USP49: variants seen among roughly 807,000 people sequenced by gnomAD.
USP49 encodes ubiquitin carboxyl-terminal hydrolase 49.
In USP49, 24 loss-of-function variants were observed where a neutral mutation model predicts 58.6. The ratio of observed to expected loss-of-function variants is 0.41; its 90% CI spans 0.30 to 0.58. The LOEUF is 0.58. USP49 is among the 20% of genes least tolerant of loss of function. USP49 has a pLI of 0.30. For missense variants in USP49, 703 were observed against 866.1 expected, an observed-to-expected ratio of 0.81 and a Z score of 2.36; for synonymous variants, 408 against 365.1, an observed-to-expected ratio of 1.12 and a Z score of -1.34.
intron 2 of USP49, among the ~76,000 whole-genome samples, chr6:41,884,557 G>A (rs1330214058): frequency 6.6e-6 from 1 of 152,020 alleles, no homozygotes; most frequent in Non-Finnish European, 1.5e-5. Flanking sequence ...AGGTGGGGAG[G>A]AAAATAGACA....
rs747847905 is a variant in USP49, at chr6:41,805,977, G to A, written c.1007C>T (p.Ala336Val). Residue 336 changes from alanine to valine, a missense_variant, in exon 4 of 8, where the codon GCC becomes GTC. Coordinates refer to ENST00000682992, the MANE Select transcript of USP49 (RefSeq NM_001286554.2). Reference sequence around the variant, plus strand: ...GAGCTCCAGACTCCGACTAATGGAGGCCCTGCCGTTCCAGCAGAAGCCCTC... The same window carrying A: ...GAGCTCCAGACTCCGACTAATGGAGACCCTGCCGTTCCAGCAGAAGCCCTC... ...EREGFCWNGR[A>V]SISRSLELIQ... 9 of 1,613,684 alleles carry A rather than the reference G, an allele frequency of 5.6e-6. No homozygotes were observed. The highest frequency in any genetic ancestry group is 1.3e-5 in the African/African-American group (1 of 75,060).
rs1354280440 is a variant in USP49 at position 41,794,145 on chromosome 6, G to T, written c.*2388C>A. On this transcript the variant is annotated 3_prime_UTR_variant, in exon 8 of 8. Transcript: ENST00000682992. ...TAAATACTAACGTCCTAAGTGTCCAGTGCTGCCGCCTCTGGGTACCTGAGG... is the reference window on the plus strand; with the variant it reads ...TAAATACTAACGTCCTAAGTGTCCATTGCTGCCGCCTCTGGGTACCTGAGG... 2.0e-5 allele frequency: 3 copies of T among 152,194 alleles called. No homozygotes were observed. The highest frequency in any genetic ancestry group is 7.2e-5 in the African/African-American group (3 of 41,454). The allele number at this position is 152,194 out of a possible 1,614,324, so 9.4% of individuals were successfully genotyped here.
intron 2 of USP49, among the ~76,000 whole-genome samples, chr6:41,873,804 A>G (rs1042371129): frequency 3.9e-5 from 6 of 152,346 alleles, no homozygotes; most frequent in South Asian, 2.1e-4. Context: ...AACAACTTCA[A>G]TAATTACGAT....
At chr6:41,877,307 A>G (rs948134687) in intron 2 of USP49, among the ~76,000 whole-genome samples, 2 of 152,368 alleles carry the variant, frequency 1.3e-5, no homozygotes, top group Middle Eastern at 3.4e-3. Context: ...TCTAGGTGGT[A>G]AAAATGCTGT....
chr6:41,802,407 T>TTTATTTTTTA (rs1313279388), intron 5 of USP49, among the ~76,000 whole-genome samples: 8 of 76,088 alleles, frequency 1.1e-4, no homozygotes, highest in African/African-American at 2.5e-4. Context: ...TTTATTTTAT[T>TTTATTTTTTA]TTTTATTTTA....
At chr6:41,881,871 G>A (rs1774614524) in intron 2 of USP49, among the ~76,000 whole-genome samples, 1 of 151,850 alleles carries the variant, frequency 6.6e-6, no homozygotes, top group Admixed American at 6.6e-5. Context: ...AAAATACTAT[G>A]TTCATTCTTT....
At chr6:41,861,768 G>A (rs1049497040) in intron 3 of USP49, among the ~76,000 whole-genome samples, 4 of 149,324 alleles carry the variant, frequency 2.7e-5, no homozygotes, top group Non-Finnish European at 4.4e-5. Context: ...CAGTGATCTC[G>A]GCTCACTGCA....
At chr6:41,827,411 G>C (rs1225865270) in intron 3 of USP49, among the ~76,000 whole-genome samples, 2 of 152,128 alleles carry the variant, frequency 1.3e-5, no homozygotes, top group Admixed American at 1.3e-4. Context: ...TGTAATCCCA[G>C]GACTTTGGGA....
chr6:41,865,636 C>T lies in USP49; in HGVS notation c.-29+5928G>A, dbSNP rs188526372. On this transcript the variant is annotated intron_variant, in intron 3 of 7. Coordinates refer to ENST00000682992, the MANE Select transcript of USP49 (RefSeq NM_001286554.2). ...GATTATAGGCATGAGCCACCATGCT[C>T]GGCTTGTTTTTTTGTTTTAAGAGAC... Among the ~76,000 whole-genome samples, 38 of 151,138 alleles carry T rather than the reference C, an allele frequency of 2.5e-4. No homozygotes were observed. The East Asian group carries it at 3.0e-3, about 12-fold the overall frequency.
At chr6:41,830,552 C>T (rs939798194) in intron 3 of USP49, among the ~76,000 whole-genome samples, 2 of 152,158 alleles carry the variant, frequency 1.3e-5, no homozygotes. Context: ...GCAGGCCAGG[C>T]GTGGTGGCTC....
chr6:41,806,036 G>C lies in USP49; in HGVS notation c.948C>G (p.Ser316=), dbSNP rs1250705628. The part of the protein sequence containing the change: ...KPTNSSATEL[S]LRNDRAEACE... ...ATGCCTCGGCCCTGTCATTTCTCAAGGACAGCTCCGTGGCCGAGCTGTTGG... is the reference window on the plus strand; with the variant it reads ...ATGCCTCGGCCCTGTCATTTCTCAACGACAGCTCCGTGGCCGAGCTGTTGG... The change falls in exon 4 of 8, where the codon TCC becomes TCG. Residue 316 remains serine (S), a synonymous_variant. Coordinates refer to ENST00000682992, the MANE Select transcript of USP49 (RefSeq NM_001286554.2). This position sits in a 1 kb window ranked among gnomAD's most constrained non-coding sequence, Gnocchi z 5.9. 6.2e-7 allele frequency: 1 copy of C among 1,614,030 alleles called. No individual in the cohort carries two copies. Among genetic ancestry groups the C allele is most frequent in the Admixed American group, 1.7e-5 (1 of 60,028 alleles).
chr6:41,866,331 A>T lies in USP49; in HGVS notation c.-29+5233T>A, dbSNP rs193145390. Among the ~76,000 whole-genome samples the T allele has an allele frequency of 2.6e-4, 39 of 152,230 alleles. No individual in the cohort carries two copies. The East Asian group carries it at 7.3e-3, about 29-fold the overall frequency. On this transcript the variant is annotated intron_variant, in intron 3 of 7. Coordinates refer to ENST00000682992, the MANE Select transcript of USP49 (RefSeq NM_001286554.2). ...TATCAACTCTGAGATTCCCCTAAAG[A>T]GGCAGCTGTGTCTAAGGCAAAGCAC...
intron 3 of USP49, among the ~76,000 whole-genome samples, chr6:41,858,380 A>C (rs1198711593): frequency 6.6e-6 from 1 of 152,176 alleles, no homozygotes; most frequent in African/African-American, 2.4e-5. Flanking sequence ...TCCCTATCTT[A>C]GTGATAGTTC....
At chr6:41,880,565 A>G (rs760375212) in intron 2 of USP49, among the ~76,000 whole-genome samples, 22 of 152,220 alleles carry the variant, frequency 1.4e-4, no homozygotes, top group Non-Finnish European at 7.3e-5. Flanking sequence ...TCTCGTCAGC[A>G]GCAACAGAAG....
Position 41,843,589 on chromosome 6 carries a change from G to A in USP49, c.-29+27975C>T, listed in dbSNP as rs576603251. 4.6e-5 allele frequency among the ~76,000 whole-genome samples: 7 copies of A among 152,132 alleles called. No homozygotes were observed. The South Asian group carries it at 6.2e-4, about 14-fold the overall frequency. On this transcript the variant is annotated intron_variant, in intron 3 of 7. Coordinates refer to ENST00000682992, the MANE Select transcript of USP49 (RefSeq NM_001286554.2). ...TGAGCCCAGGAGTTCAGGCCCAACC[G>A]GGGTAACAAAGCAAAACAGTATCTT... is the stretch of plus-strand genomic sequence containing the variant.
intron 1 of USP49, among the ~76,000 whole-genome samples, chr6:41,892,749 C>A (rs888326450): frequency 6.6e-6 from 1 of 151,848 alleles, no homozygotes; most frequent in African/African-American, 2.4e-5. Flanking sequence ...ATTTACCCAA[C>A]TTTGAAAAAA....
At chr6:41,894,349 G>A (rs1412101299) in intron 1 of USP49, 1 of 152,250 alleles carries the variant, frequency 6.6e-6, no homozygotes, top group Non-Finnish European at 1.5e-5. Flanking sequence ...TCGTCCTACA[G>A]ACACCCATCT....
intron 3 of USP49, among the ~76,000 whole-genome samples, chr6:41,825,177 T>C (rs1363193891): frequency 6.6e-6 from 1 of 152,220 alleles, no homozygotes; most frequent in Non-Finnish European, 1.5e-5. Context: ...ACCATTTGAA[T>C]TAAGACATCA....
At position 41,796,445 on chromosome 6, in the gene USP49, C is replaced by G. The variant is rs1040045394; in HGVS notation, c.*88G>C. 2 of 642,844 alleles carry G rather than the reference C, an allele frequency of 3.1e-6. No individual in the cohort carries two copies. The highest frequency in any genetic ancestry group is 5.7e-6 in the Non-Finnish European group (2 of 349,334). 39.8% of individuals were successfully genotyped at this position (642,844 alleles called of 1,614,324 possible). ...GACCCAGCAAGGCAAACCTAGTAAT[C>G]TGTTCCTGCAGTAGCCTTATTTCCT... On this transcript the variant is annotated 3_prime_UTR_variant, in exon 8 of 8. Coordinates refer to ENST00000682992, the MANE Select transcript of USP49 (RefSeq NM_001286554.2).
Sources: gnomAD v4.1 joint callset for allele counts (sites outside exome capture counted in the v4.1 genomes callset) on GRCh38, gnomAD v4.1.1 for gene constraint, Gnocchi (gnomAD v3.1) non-coding constraint, MANE v1.5 for transcripts, NCBI Gene and HGNC (gene_info 2026-07-23, HGNC 2026-07-21) for gene names.